Variants in JCAD observed in about 807,000 individuals in gnomAD.
JCAD encodes the protein junctional cadherin 5 associated.
In JCAD, 40 loss-of-function variants were observed where a neutral mutation model predicts 98.0. That is an observed-to-expected ratio of 0.41 (90% CI 0.32 to 0.53). JCAD has a LOEUF of 0.53. JCAD is among the 20% of genes least tolerant of loss of function. JCAD has a pLI of 0.31. For missense variants in JCAD, 1,705 were observed against 1,738.1 expected (o/e 0.98, Z 0.34); for synonymous variants, 691 against 682.3 (o/e 1.01, Z -0.20).
chr10:30,046,651 A>C (rs1031261821), intron 2 of JCAD, among the ~76,000 whole-genome samples: 135 of 152,336 alleles, frequency 8.9e-4, no homozygotes, highest in African/African-American at 3.0e-3. Flanking sequence ...CAAGATGAAG[A>C]GATTACAAGG....
intron 1 of JCAD, among the ~76,000 whole-genome samples, chr10:30,051,311 A>T (rs1186645360): frequency 8.9e-6 from 1 of 112,108 alleles, no homozygotes; most frequent in Non-Finnish European, 2.0e-5. Flanking sequence ...CACACACAAG[A>T]GTTGATGCCT....
chr10:30,094,961 A>G (rs923960730), intron 1 of JCAD, among the ~76,000 whole-genome samples: 2 of 152,182 alleles, frequency 1.3e-5, no homozygotes, highest in Non-Finnish European at 2.9e-5. Context: ...ACCAGAAATT[A>G]GTTTTATTAA....
intron 1 of JCAD, among the ~76,000 whole-genome samples, chr10:30,089,552 T>TGTG (rs1838226352): frequency 3.8e-5 from 4 of 106,058 alleles, no homozygotes; most frequent in East Asian, 2.7e-4. Context: ...GTGTGTGTGT[T>TGTG]TGCTACTAAT....
chr10:30,073,151 C>T (rs1235203875), intron 1 of JCAD, among the ~76,000 whole-genome samples: 1 of 152,194 alleles, frequency 6.6e-6, no homozygotes, highest in African/African-American at 2.4e-5. Flanking sequence ...CAGGAGGTAA[C>T]ATAACCCAGA....
chr10:30,067,658 G>A (rs1837808222), intron 2 of JCAD, among the ~76,000 whole-genome samples: 1 of 152,164 alleles, frequency 6.6e-6, no homozygotes, highest in African/African-American at 2.4e-5. Context: ...TGTTTCTTAT[G>A]TGCCAGGCAC....
At position 30,112,235 on chromosome 10, in the gene JCAD, A is replaced by G. The variant is rs139846156; in HGVS notation, n.128+3132T>C. ...ACACCTATAATCCCAGCACTTTGGG[A>G]GGCTGATGTAGGAGGATCACTTGAA... On this transcript the variant is annotated intron_variant and non_coding_transcript_variant, in intron 1 of 2. Transcript: ENST00000465712. Among the ~76,000 whole-genome samples, 3 of 152,288 alleles carry G rather than the reference A, an allele frequency of 2.0e-5. No individual in the cohort carries two copies. The East Asian group carries it at 5.8e-4, about 29-fold the overall frequency.
chr10:30,086,026 T>A (rs571709060), intron 1 of JCAD, among the ~76,000 whole-genome samples: 2 of 152,204 alleles, frequency 1.3e-5, no homozygotes, highest in Non-Finnish European at 2.9e-5. Flanking sequence ...ATATGTCTGT[T>A]AACTCATTGG....
chr10:30,027,220 C>G lies in JCAD; in HGVS notation c.2928G>C (p.Thr976=). 1.2e-6 allele frequency: 2 copies of G among 1,614,214 alleles called. No individual in the cohort carries two copies. The highest frequency in any genetic ancestry group is 4.5e-5 in the East Asian group (2 of 44,878). Residue 976 remains threonine, a synonymous_variant, in exon 3 of 4, where the codon ACG becomes ACC. Coordinates refer to ENST00000375377, the MANE Select transcript of JCAD (RefSeq NM_020848.4). Reference sequence around the variant, plus strand: ...CGTCACTTGATCTTGAAGACATTCTCGTCACAGGAAATGGGCTACCTGCCA... The same window carrying G: ...CGTCACTTGATCTTGAAGACATTCTGGTCACAGGAAATGGGCTACCTGCCA... ...DELAGSPFPV[T]RMSSRSSDAK...
In JCAD at chr10:30,076,843, C is replaced by T. The variant is rs146182713; in HGVS notation, n.129-7022G>A. On this transcript the variant is annotated intron_variant and non_coding_transcript_variant, in intron 1 of 2. Transcript: ENST00000465712. ...CACGCTTGTCAAGGGTAGAAAGAAACAAAAGACATACTCTAAGCTTGTGCG... is the reference window on the plus strand; with the variant it reads ...CACGCTTGTCAAGGGTAGAAAGAAATAAAAGACATACTCTAAGCTTGTGCG... Among the ~76,000 whole-genome samples, 749 of 152,224 alleles carry T rather than the reference C, an allele frequency of 4.9e-3. 3 individuals carry two copies. Among genetic ancestry groups the T allele is most frequent in the Middle Eastern group, 0.017 (5 of 294 alleles).
At chr10:30,049,328 C>T (rs1837420331) in intron 1 of JCAD, among the ~76,000 whole-genome samples, 1 of 152,180 alleles carries the variant, frequency 6.6e-6, no homozygotes, top group Non-Finnish European at 1.5e-5. Flanking sequence ...GAACAATGGC[C>T]AGGAAACGCC....
At chr10:30,103,123 T>C (rs1380245886) in intron 1 of JCAD, among the ~76,000 whole-genome samples, 1 of 152,218 alleles carries the variant, frequency 6.6e-6, no homozygotes, top group Non-Finnish European at 1.5e-5. Flanking sequence ...TATTGTTGCA[T>C]ATGGCAAGAT....
At chr10:30,026,033 C>A (rs2132610641) in intron 3 of JCAD, 70 bp downstream of exon 3, 10 of 1,548,624 alleles carry the variant, frequency 6.5e-6, no homozygotes, top group Non-Finnish European at 8.9e-6. Flanking sequence ...TATCCACCAA[C>A]CTGGTATTTT....
At chr10:30,094,736 G>C (rs567543142) in intron 1 of JCAD, among the ~76,000 whole-genome samples, 2 of 152,034 alleles carry the variant, frequency 1.3e-5, no homozygotes, top group African/African-American at 4.8e-5. Flanking sequence ...AAAACCAGCC[G>C]CCCACTCCTA....
intron 3 of JCAD, among the ~76,000 whole-genome samples, chr10:30,023,538 A>G (rs1836712378): frequency 6.6e-6 from 1 of 152,066 alleles, no homozygotes; most frequent in Admixed American, 6.6e-5. Flanking sequence ...ACAATGACAA[A>G]ACTGCTAATG....
chr10:30,017,917 T>A lies in JCAD; in HGVS notation c.4046A>T (p.Asp1349Val), dbSNP rs768844722. The change falls in exon 4 of 4, where the codon GAT becomes GTT. Residue 1349 changes from aspartate (D) to valine (V), a missense_variant and splice_region_variant. Physicochemically the swap from Asp to Val is radical, Grantham distance 152. Around this residue, in one of 3 missense-constraint regions of JCAD, gnomAD observed 1,278 missense variants for 1,243.1 expected, o/e 1.03. Transcript: ENST00000375377. Reference protein sequence around the residue: ...KSMDQDFWCPDSYDPSRVERV With the variant: ...KSMDQDFWCPVSYDPSRVERV Reference sequence around the variant, plus strand: ...CTCCACTCTGCTAGGGTCATAGGAATCTGTAAAATAAGAAAAGAAAAGAAA... The same window carrying A: ...CTCCACTCTGCTAGGGTCATAGGAAACTGTAAAATAAGAAAAGAAAAGAAA... 4.3e-6 allele frequency: 7 copies of A among 1,610,144 alleles called. No homozygotes were observed. The South Asian group carries it at 7.8e-5, about 18-fold the overall frequency.
intron 2 of JCAD, among the ~76,000 whole-genome samples, chr10:30,066,336 A>T (rs1025413512): frequency 1.3e-5 from 2 of 152,160 alleles, no homozygotes; most frequent in Non-Finnish European, 2.9e-5. Flanking sequence ...AATCATTTCT[A>T]ATTGTTTGCT....
In JCAD at chr10:30,047,889, G is replaced by A. The variant is rs1164265271; in HGVS notation, c.-59-18C>T. The A allele has an allele frequency of 2.7e-6, 4 of 1,476,024 alleles. No individual in the cohort carries two copies. The highest frequency in any genetic ancestry group is 1.4e-5 in the African/African-American group (1 of 71,000). 91.4% of individuals were successfully genotyped at this position (1,476,024 alleles called of 1,614,324 possible). On this transcript the variant is annotated intron_variant, in intron 1 of 3. Coordinates refer to ENST00000375377, the MANE Select transcript of JCAD (RefSeq NM_020848.4). The stretch of plus-strand genomic sequence containing the variant: ...ACCCAGCACTGCAGGACAACAGAGA[G>A]CTCTATTTGTGACTAGGTCTCCCTA...
chr10:30,048,772 T>C (rs946082477), intron 1 of JCAD, among the ~76,000 whole-genome samples: 1 of 152,118 alleles, frequency 6.6e-6, no homozygotes, highest in Non-Finnish European at 1.5e-5. Context: ...TTCACCATGT[T>C]GGCCAGGCTG....
chr10:30,072,562 A>G (rs1837911493), intron 1 of JCAD, among the ~76,000 whole-genome samples: 1 of 152,240 alleles, frequency 6.6e-6, no homozygotes, highest in Admixed American at 6.5e-5. Context: ...ATTATAAATC[A>G]GTAAATTTAT....
Sources: allele counts gnomAD v4.1 joint callset (sites outside exome capture counted in the v4.1 genomes callset), GRCh38; gene constraint gnomAD v4.1.1; regional missense constraint gnomAD v4.1.1; transcripts MANE v1.5; gene names NCBI Gene and HGNC (gene_info 2026-07-23, HGNC 2026-07-21).